IQGAP1: variants seen among roughly 807,000 people sequenced by gnomAD.
The protein encoded by IQGAP1 is IQ motif containing GTPase activating protein 1.
A neutral mutation model predicts 215.6 loss-of-function variants in IQGAP1; 66 were observed. The observed-to-expected ratio is 0.31, with a 90% CI of 0.25 to 0.38. The LOEUF (loss-of-function observed/expected upper bound fraction) is 0.38. IQGAP1 is among the 10% of genes least tolerant of loss of function. The probability of loss-of-function intolerance (pLI) is 1.00; values close to 1 mark genes in which losing one functional copy is unlikely to be tolerated. For missense variants in IQGAP1, 1,712 were observed against 1,997.1 expected (o/e 0.86, Z 2.72); for synonymous variants, 772 against 728.7 (o/e 1.06, Z -0.96).
At position 90,443,403 on chromosome 15, in the gene IQGAP1, T is replaced by G; in HGVS notation, c.838T>G (p.Ser280Ala). Reference sequence around the variant, plus strand: ...TTTTACTCATCCTCAGACAGAAAACTCAGAGAGAGAAAGAGATGTTTATGA... The same window carrying G: ...TTTTACTCATCCTCAGACAGAAAACGCAGAGAGAGAAAGAGATGTTTATGA... ...MTNAKNRTEN[S>A]ERERDVYEEL... is the part of the protein sequence containing the mutation. Residue 280 changes from serine (S) to alanine (A), a missense_variant, in exon 9 of 38, where the codon TCA becomes GCA. By Grantham distance (99) the Ser-to-Ala change is moderately conservative (BLOSUM62 1). Coordinates refer to ENST00000268182, the MANE Select transcript of IQGAP1 (RefSeq NM_003870.4). 2 of 1,612,174 alleles carry G rather than the reference T, an allele frequency of 1.2e-6. No homozygotes were observed. Among genetic ancestry groups the G allele is most frequent in the Non-Finnish European group, 1.7e-6 (2 of 1,178,456 alleles).
intron 11 of IQGAP1, among the ~76,000 whole-genome samples, 166 bp downstream of exon 11, chr15:90,449,809 T>C (rs1965576656): frequency 6.6e-6 from 1 of 152,170 alleles, no homozygotes. Context: ...GTTGTTGTGG[T>C]GGTTTTAATT....
intron 9 of IQGAP1, among the ~76,000 whole-genome samples, chr15:90,446,720 C>T (rs762265506): frequency 4.6e-5 from 7 of 152,120 alleles, no homozygotes; most frequent in Non-Finnish European, 1.0e-4. Flanking sequence ...TTCGAAACAG[C>T]AATGAGGCCA....
chr15:90,486,187 T>TG (rs1423234587), intron 31 of IQGAP1, 55 bp downstream of exon 31: 4 of 1,233,870 alleles, frequency 3.2e-6, no homozygotes, highest in Non-Finnish European at 4.7e-6. Flanking sequence ...AGAAAAGTGT[T>TG]GTAATTGTCA....
chr15:90,477,987 T>TTTTTC, intron 26 of IQGAP1, 98 bp downstream of exon 26: 1 of 811,110 alleles, frequency 1.2e-6, no homozygotes. Context: ...GTTCAAATAG[T>TTTTTC]TTTTCTTTTC....
intron 1 of IQGAP1, among the ~76,000 whole-genome samples, chr15:90,389,248 A>G (rs1964599401): frequency 6.6e-6 from 1 of 152,118 alleles, no homozygotes. Context: ...ATAAGGTGCA[A>G]TAATGATAAA....
intron 2 of IQGAP1, among the ~76,000 whole-genome samples, chr15:90,407,736 T>G (rs2151005803): frequency 6.6e-6 from 1 of 152,354 alleles, no homozygotes; most frequent in South Asian, 2.1e-4. Flanking sequence ...CTAACATGGC[T>G]AAGAAGTTGG....
intron 34 of IQGAP1, 51 bp downstream of exon 34, chr15:90,491,596 G>T (rs756851811): frequency 5.5e-6 from 8 of 1,453,284 alleles, no homozygotes; most frequent in Non-Finnish European, 7.7e-6. Context: ...AAGCTGAGAG[G>T]CTCGAGAGAC....
At chr15:90,472,805 G>A in intron 18 of IQGAP1, 35 bp from the exon 19 acceptor site, 1 of 1,575,244 alleles carries the variant, frequency 6.3e-7, no homozygotes, top group Non-Finnish European at 8.6e-7. Context: ...ATTCTTGCCT[G>A]TGAATGTCTT....
intron 25 of IQGAP1, 126 bp from the exon 26 acceptor site, chr15:90,477,539 A>G (rs1596286797): frequency 2.7e-6 from 2 of 731,582 alleles, no homozygotes; most frequent in South Asian, 1.8e-5. Context: ...CTGCAGGAAC[A>G]TTCTGTGAGT....
At chr15:90,412,074 A>G (rs1230389801) in intron 2 of IQGAP1, among the ~76,000 whole-genome samples, 3 of 152,218 alleles carry the variant, frequency 2.0e-5, no homozygotes, top group African/African-American at 7.2e-5. Flanking sequence ...ACAATTAGAC[A>G]TGTAATTTTG....
At chr15:90,471,474 CG>C (rs1965903590) in intron 18 of IQGAP1, among the ~76,000 whole-genome samples, 1 of 151,400 alleles carries the variant, frequency 6.6e-6, no homozygotes, top group Non-Finnish European at 1.5e-5. Context: ...CTGCTCACAG[CG>C]CATGACCTCG....
rs1170292091 is a variant in IQGAP1, at chr15:90,465,988, T to C, written c.1777-13T>C. ...TTTCATGACTTTAATATTTTGCTTT[T>C]AATGATATGTAGGAAATCCAGGATG... is the stretch of plus-strand genomic sequence containing the variant. On this transcript the variant is annotated splice_polypyrimidine_tract_variant and intron_variant, in intron 15 of 37. Transcript: ENST00000268182. The C allele has an allele frequency of 3.1e-6, 5 of 1,610,060 alleles. No individual in the cohort carries two copies. Among genetic ancestry groups the C allele is most frequent in the East Asian group, 2.2e-5 (1 of 44,872 alleles).
intron 32 of IQGAP1, 43 bp downstream of exon 32, chr15:90,487,132 A>G: frequency 6.2e-7 from 1 of 1,609,246 alleles, no homozygotes; most frequent in African/African-American, 1.3e-5. Context: ...TGTAATCTGA[A>G]GGTTTCTTGG....
chr15:90,494,714 G>C lies in IQGAP1; in HGVS notation c.4630G>C (p.Val1544Leu), dbSNP rs1163057064. The C allele has an allele frequency of 8.7e-6, 14 of 1,603,360 alleles. No individual in the cohort carries two copies. The highest frequency in any genetic ancestry group is 9.4e-6 in the Non-Finnish European group (11 of 1,175,760). ...AGTGACATGATGTGATTTTTACAGA[G>C]TCTCCAAAAAGCCTAGGGAAATGAA... ...CLDNLASKGKVSKKPREMKGK... is the reference protein window; with the variant it reads ...CLDNLASKGKLSKKPREMKGK... The change falls in exon 36 of 38, where the codon GTC becomes CTC. Residue 1544 changes from valine (V) to leucine (L), a missense_variant and splice_region_variant. Coordinates refer to ENST00000268182, the MANE Select transcript of IQGAP1 (RefSeq NM_003870.4).
intron 34 of IQGAP1, 39 bp downstream of exon 34, chr15:90,491,584 C>G (rs751261607): frequency 1.3e-6 from 2 of 1,551,484 alleles, no homozygotes; most frequent in African/African-American, 1.4e-5. Flanking sequence ...CGGCCTTGTT[C>G]AAAGCTGAGA....
chr15:90,452,960 T>C (rs1965626742), intron 12 of IQGAP1, 22 bp downstream of exon 12: 3 of 1,611,818 alleles, frequency 1.9e-6, no homozygotes, highest in Non-Finnish European at 1.7e-6. Flanking sequence ...AAACCTGTCC[T>C]GTTTGTGAGC....
In IQGAP1 at chr15:90,491,503, C is replaced by G; in HGVS notation, c.4419C>G (p.Asp1473Glu). The G allele has an allele frequency of 6.2e-7, 1 of 1,614,148 alleles. No homozygotes were observed. Among genetic ancestry groups the G allele is most frequent in the Non-Finnish European group, 8.5e-7 (1 of 1,180,006 alleles). Residue 1473 changes from aspartate (D) to glutamate (E), a missense_variant, in exon 34 of 38, where the codon GAC becomes GAG. Asp to Glu is a conservative substitution (Grantham distance 45, BLOSUM62 2). Transcript: ENST00000268182. ...LKKLTELGTV[D>E]PKNKYQELIN... The stretch of plus-strand genomic sequence containing the variant: ...AGCTAACAGAGCTTGGAACCGTGGA[C>G]CCAAAGAACAAATACCAGGAACTGA...
At chr15:90,429,722 T>C (rs2151015225) in intron 4 of IQGAP1, 56 bp downstream of exon 4, 1 of 1,090,202 alleles carries the variant, frequency 9.2e-7, no homozygotes, top group South Asian at 1.4e-5. Flanking sequence ...GGCATAACCC[T>C]CAAACAACCT....
chr15:90,461,085 T>A (rs1965755319), intron 15 of IQGAP1, among the ~76,000 whole-genome samples: 1 of 149,134 alleles, frequency 6.7e-6, no homozygotes, highest in African/African-American at 2.5e-5. Flanking sequence ...GGTGGGCAGA[T>A]CACCTGTGGT....
Sources: allele counts gnomAD v4.1 joint callset (sites outside exome capture counted in the v4.1 genomes callset), GRCh38; gene constraint gnomAD v4.1.1; transcripts MANE v1.5; gene names NCBI Gene and HGNC (gene_info 2026-07-23, HGNC 2026-07-21).